Variants in ABCG2 observed in about 807,000 individuals in gnomAD.
ABCG2 encodes ATP binding cassette subfamily G member 2 (JR blood group).
Under a neutral mutation model 73.5 loss-of-function variants are expected in ABCG2, and 80 were observed. The ratio of observed to expected loss-of-function variants is 1.09; its 90% CI spans 0.91 to 1.31. The LOEUF is 1.31. Among genes scored for constraint, ABCG2 ranks in the 50% most tolerant of loss-of-function variants. The pLI, the probability that ABCG2 is intolerant of heterozygous loss-of-function variation, is 0.00. For synonymous variants in ABCG2, 269 were observed against 282.4 expected, an observed-to-expected ratio of 0.95 and a Z score of 0.48; for missense variants, 796 against 786.2, an observed-to-expected ratio of 1.01 and a Z score of -0.15.
chr4:88,171,722 T>C (rs1727763396), intron 1 of ABCG2, among the ~76,000 whole-genome samples: 2 of 152,076 alleles, frequency 1.3e-5, no homozygotes, highest in East Asian at 1.9e-4. Context: ...GCTGCCTCTC[T>C]GTAGGAATTC....
chr4:88,171,214 T>A (rs931672233), intron 1 of ABCG2, among the ~76,000 whole-genome samples: 2 of 149,132 alleles, frequency 1.3e-5, no homozygotes, highest in Non-Finnish European at 3.0e-5. Context: ...CAAACCCTCA[T>A]GACACGAGTT....
At chr4:88,211,996 C>T (rs1342572068) in intron 1 of ABCG2, among the ~76,000 whole-genome samples, 1 of 152,130 alleles carries the variant, frequency 6.6e-6, no homozygotes, top group African/African-American at 2.4e-5. Flanking sequence ...TCTTAAATTG[C>T]CCATGCTTAC....
At chr4:88,126,512 A>G (rs1332728744) in intron 5 of ABCG2, among the ~76,000 whole-genome samples, 1 of 152,194 alleles carries the variant, frequency 6.6e-6, no homozygotes, top group African/African-American at 2.4e-5. Flanking sequence ...GATCAACATC[A>G]ATGTGAATAT....
At chr4:88,187,090 T>C (rs1284372240) in intron 1 of ABCG2, among the ~76,000 whole-genome samples, 4 of 68,258 alleles carry the variant, frequency 5.9e-5, no homozygotes, top group African/African-American at 2.6e-4. Flanking sequence ...CAAGATTCTG[T>C]CTCAAAAAAA....
chr4:88,156,854 C>G (rs987305416), intron 1 of ABCG2, among the ~76,000 whole-genome samples: 1 of 152,134 alleles, frequency 6.6e-6, no homozygotes, highest in Non-Finnish European at 1.5e-5. Flanking sequence ...CCTGTAATCC[C>G]AGCACTTTGG....
chr4:88,227,907 G>T (rs1252145323), intron 1 of ABCG2, among the ~76,000 whole-genome samples: 1 of 152,194 alleles, frequency 6.6e-6, no homozygotes, highest in Non-Finnish European at 1.5e-5. Context: ...GGATGCACCT[G>T]AACTAAGAGC....
chr4:88,228,451 A>G (rs997200477), intron 1 of ABCG2, among the ~76,000 whole-genome samples: 2 of 152,162 alleles, frequency 1.3e-5, no homozygotes, highest in Non-Finnish European at 2.9e-5. Flanking sequence ...AGCCCCACAC[A>G]TGCTTACTGC....
chr4:88,202,103 C>A (rs1217287754), intron 1 of ABCG2, among the ~76,000 whole-genome samples: 1 of 151,746 alleles, frequency 6.6e-6, no homozygotes, highest in Admixed American at 6.6e-5. Context: ...GGTGAAGTAT[C>A]ATTTTGCTTA....
intron 1 of ABCG2, among the ~76,000 whole-genome samples, chr4:88,221,183 C>T (rs1431995721): frequency 6.6e-6 from 1 of 152,116 alleles, no homozygotes; most frequent in Non-Finnish European, 1.5e-5. Flanking sequence ...GTACAAGAAT[C>T]GCTTGAACCT....
chr4:88,209,523 C>T (rs563508180), intron 1 of ABCG2, among the ~76,000 whole-genome samples: 21 of 151,566 alleles, frequency 1.4e-4, no homozygotes, highest in African/African-American at 3.4e-4. Flanking sequence ...ATTATCCAGG[C>T]GTGGTGGTGA....
exon 1 of ABCG2, chr4:88,231,243 G>A (rs563485124): frequency 2.6e-5 from 4 of 152,302 alleles, no homozygotes; most frequent in African/African-American, 9.6e-5. Context: ...GGAACATTGA[G>A]GCTTTCCGAG....
intron 1 of ABCG2, among the ~76,000 whole-genome samples, chr4:88,218,088 C>T (rs920255338): frequency 6.6e-6 from 1 of 152,054 alleles, no homozygotes; most frequent in Non-Finnish European, 1.5e-5. Context: ...TTCCTGCCTC[C>T]GTTCCCTCTA....
At position 88,229,272 on chromosome 4, in the gene ABCG2, T is replaced by C. The variant is rs572730518; in HGVS notation, c.-20+1722A>G. On this transcript the variant is annotated intron_variant, in intron 1 of 15. Coordinates refer to the ABCG2 transcript ENST00000515655. ...TGTTCATACCAGGCCTCACCAGGCC[T>C]GCACACTCCTCTGACTATCACTTGT... Among the ~76,000 whole-genome samples, 49 of 152,328 alleles carry C rather than the reference T, an allele frequency of 3.2e-4. No homozygotes were observed. In the South Asian group the frequency reaches 3.5e-3, roughly 11 times the overall value.
exon 1 of ABCG2, chr4:88,231,035 T>C (rs1037996800): frequency 6.6e-6 from 1 of 152,162 alleles, no homozygotes; most frequent in Non-Finnish European, 1.5e-5. Flanking sequence ...GCAGCCCAAA[T>C]CTCAGTGCAG....
At chr4:88,213,982 CTTTTT>C (rs33984842) in intron 1 of ABCG2, among the ~76,000 whole-genome samples, 2 of 59,632 alleles carry the variant, frequency 3.4e-5, no homozygotes, top group Non-Finnish European at 3.0e-5. Context: ...CACGCCCGGC[CTTTTT>C]TTTTTTTTTT....
chr4:88,186,658 G>C (rs910270649), intron 1 of ABCG2, among the ~76,000 whole-genome samples: 18 of 151,814 alleles, frequency 1.2e-4, no homozygotes, highest in Admixed American at 3.3e-4. Context: ...GGTGGCTCAC[G>C]CCTGTAATCC....
intron 1 of ABCG2, among the ~76,000 whole-genome samples, chr4:88,205,613 ATCTG>A (rs937972591): frequency 6.6e-6 from 1 of 152,170 alleles, no homozygotes; most frequent in Non-Finnish European, 1.5e-5. Context: ...TGTTTGAGGA[ATCTG>A]TCTCTCTCCA....
chr4:88,187,093 CAAAAAAAAAAAAAAAAAA>C (rs61116461), intron 1 of ABCG2, among the ~76,000 whole-genome samples: 4 of 45,202 alleles, frequency 8.8e-5, no homozygotes, highest in Admixed American at 8.6e-4. Flanking sequence ...GATTCTGTCT[CAAAAAAAAAAAAAAAAAA>C]AAAAAAAAAA....
rs537410725 is a variant in ABCG2 at position 88,191,058 on chromosome 4, A to C, written c.-20+39936T>G. Among the ~76,000 whole-genome samples, 7 of 151,294 alleles carry C rather than the reference A, an allele frequency of 4.6e-5. No individual in the cohort carries two copies. In the East Asian group the frequency reaches 1.4e-3, roughly 30 times the overall value. On this transcript the variant is annotated intron_variant, in intron 1 of 15. Transcript: ENST00000515655. ...AAGACCATCCTGGCTAACACAGTGA[A>C]ACCCCATCTGTACTAAAAATACACA...
Sources: gnomAD v4.1 joint callset for allele counts (sites outside exome capture counted in the v4.1 genomes callset) on GRCh38, gnomAD v4.1.1 for gene constraint, MANE v1.5 for transcripts, NCBI Gene and HGNC (gene_info 2026-07-23, HGNC 2026-07-21) for gene names.